Variants in SDC4 observed in about 807,000 individuals in gnomAD.
SDC4 encodes syndecan 4.
A neutral mutation model predicts 20.5 loss-of-function variants in SDC4; 17 were observed. That is an observed-to-expected ratio of 0.83 (90% confidence interval 0.57 to 1.25). The LOEUF (loss-of-function observed/expected upper bound fraction) is 1.25. SDC4 is among the 50% of genes most tolerant of loss of function. The pLI is 0.00. For synonymous variants in SDC4, 107 were observed against 105.3 expected, an observed-to-expected ratio of 1.02 and a Z score of -0.10; for missense variants, 241 against 252.3, an observed-to-expected ratio of 0.96 and a Z score of 0.30.
chr20:45,348,245 A>T, intron 1 of SDC4, 80 bp downstream of exon 1: 2 of 619,482 alleles, frequency 3.2e-6, no homozygotes, highest in Non-Finnish European at 5.1e-6. Context: ...GCCCCCCCCC[A>T]TCCCACGCTC....
rs188331002 is a variant in SDC4 at position 45,330,508 on chromosome 20, G to C, written c.303C>G (p.Thr101=). ...CATTCTCCTCTAGTTTCTTGGGTTC[G>C]GTGGGGACTTGGCTCCCAGACCCTG... ...ERAGSGSQVP[T]EPKKLEENEV... is the part of the protein sequence containing the mutation. Residue 101 remains threonine, a synonymous_variant, in exon 4 of 5, where the codon ACC becomes ACG. Transcript: ENST00000372733. 1.9e-5 allele frequency: 31 copies of C among 1,614,152 alleles called. No homozygotes were observed. In the African/African-American group the frequency reaches 3.9e-4, roughly 20 times the overall value.
At position 45,348,239 on chromosome 20, in the gene SDC4, C is replaced by A. The variant is rs2145720144; in HGVS notation, c.60+86G>T. ...GGGGTAGCGTACCCCCGATCTGCCC[C>A]CCCCCATCCCACGCTCCGACGAACA... On this transcript the variant is annotated intron_variant, in intron 1 of 4. Coordinates refer to ENST00000372733, the MANE Select transcript of SDC4 (RefSeq NM_002999.4). 7.7e-6 allele frequency: 9 copies of A among 1,167,470 alleles called. No homozygotes were observed. The South Asian group carries it at 9.2e-5, about 12-fold the overall frequency. 72.3% of individuals were successfully genotyped at this position (1,167,470 alleles called of 1,614,324 possible). A position where few individuals can be genotyped will look rare whatever the true frequency, so the allele number is the denominator to read the frequency against.
Position 45,330,427 on chromosome 20 carries a change from C to G in SDC4, c.384G>C (p.Lys128Asn), listed in dbSNP as rs747704309. ...CCTGCACAGTGCTGGACATTGACAC[C>G]TTGTTGGACACATCCTCACTCTCTT... is the stretch of plus-strand genomic sequence containing the variant. ...PVEESEDVSNKVSMSSTVQGS... is the reference protein window; with the variant it reads ...PVEESEDVSNNVSMSSTVQGS... The change falls in exon 4 of 5, where the codon AAG becomes AAC. Residue 128 changes from lysine (K) to asparagine (N), a missense_variant. Physicochemically the swap from Lys to Asn is moderately conservative, Grantham distance 94. Coordinates refer to ENST00000372733, the MANE Select transcript of SDC4 (RefSeq NM_002999.4). The G allele has an allele frequency of 8.7e-6, 14 of 1,614,208 alleles. No individual in the cohort carries two copies. Among genetic ancestry groups the G allele is most frequent in the Non-Finnish European group, 1.2e-5 (14 of 1,180,034 alleles).
intron 1 of SDC4, 66 bp downstream of exon 1, chr20:45,348,259 C>T: frequency 7.4e-7 from 1 of 1,342,496 alleles, no homozygotes; most frequent in Admixed American, 2.0e-5. Context: ...CACGCTCCGA[C>T]GAACAAAGGA....
At chr20:45,329,112 A>G (rs1489474513) in intron 4 of SDC4, among the ~76,000 whole-genome samples, 1 of 152,246 alleles carries the variant, frequency 6.6e-6, no homozygotes, top group African/African-American at 2.4e-5. Context: ...ATCATACAGC[A>G]TACAGCAAGC....
intron 1 of SDC4, chr20:45,345,894 A>C (rs1481183871): frequency 6.6e-6 from 1 of 152,234 alleles, no homozygotes; most frequent in African/African-American, 2.4e-5. Flanking sequence ...CCCTTCCAAA[A>C]TATGGGGGTG....
chr20:45,328,412 C>T (rs1445989344), intron 4 of SDC4, among the ~76,000 whole-genome samples: 2 of 152,206 alleles, frequency 1.3e-5, no homozygotes, highest in African/African-American at 4.8e-5. Flanking sequence ...ATGCCTAGTG[C>T]ATAGCATATT....
chr20:45,332,212 A>G (rs563862554), intron 3 of SDC4, among the ~76,000 whole-genome samples: 7 of 149,516 alleles, frequency 4.7e-5, no homozygotes, highest in African/African-American at 1.7e-4. Context: ...CTGGGGTGCA[A>G]TGGTGCAATC....
In SDC4 at chr20:45,327,102, C is replaced by T; in HGVS notation, c.*162G>A. ...AAAGCTCAAGAAGAACCTGGCAGAA[C>T]AGTAGAAGACAATGTCTCTTCTGAA... is the stretch of plus-strand genomic sequence containing the variant. On this transcript the variant is annotated 3_prime_UTR_variant, in exon 5 of 5. Coordinates refer to ENST00000372733, the MANE Select transcript of SDC4 (RefSeq NM_002999.4). The T allele has an allele frequency of 1.5e-6, 1 of 670,062 alleles. No individual in the cohort carries two copies. Among genetic ancestry groups the T allele is most frequent in the East Asian group, 2.8e-5 (1 of 35,394 alleles). The allele number at this position is 670,062 out of a possible 1,614,324, so 41.5% of individuals were successfully genotyped here.
intron 4 of SDC4, among the ~76,000 whole-genome samples, chr20:45,328,556 G>T (rs1164766929): frequency 1.3e-5 from 2 of 152,164 alleles, no homozygotes; most frequent in African/African-American, 4.8e-5. Flanking sequence ...CTAGTGTTGG[G>T]CAGAGATGGG....
chr20:45,348,252 G>A, intron 1 of SDC4, 73 bp downstream of exon 1: 2 of 978,242 alleles, frequency 2.0e-6, no homozygotes, highest in Non-Finnish European at 3.0e-6. Context: ...CCCATCCCAC[G>A]CTCCGACGAA....
chr20:45,331,527 G>A (rs181230878), intron 3 of SDC4, among the ~76,000 whole-genome samples: 108 of 152,202 alleles, frequency 7.1e-4, no homozygotes, highest in Non-Finnish European at 1.2e-3. Flanking sequence ...AGCATCCTAC[G>A]TAACAGAATG....
chr20:45,342,758 G>A (rs996368469), intron 1 of SDC4, among the ~76,000 whole-genome samples: 3 of 152,212 alleles, frequency 2.0e-5, no homozygotes, highest in African/African-American at 7.2e-5. Context: ...GCTGAGATCA[G>A]AGTGACCTTT....
At chr20:45,339,622 C>T (rs1326592753) in intron 1 of SDC4, among the ~76,000 whole-genome samples, 6 of 152,194 alleles carry the variant, frequency 3.9e-5, no homozygotes, top group African/African-American at 1.4e-4. Flanking sequence ...CGCCTGTGGT[C>T]CCAGCTACTC....
chr20:45,330,544 G>T lies in SDC4; in HGVS notation c.267C>A (p.Ile89=), dbSNP rs367657877. The T allele has an allele frequency of 5.0e-6, 8 of 1,613,982 alleles. No individual in the cohort carries two copies. Among genetic ancestry groups the T allele is most frequent in the Non-Finnish European group, 5.1e-6 (6 of 1,180,022 alleles). ...GGCTCCCAGACCCTGCCCTCTCAGG[G>T]ATATGGTTATCTAGAGGCACCTGGA... ...VHPLVPLDNH[I]PERAGSGSQV... Residue 89 remains isoleucine (I), a synonymous_variant, in exon 4 of 5, where the codon ATC becomes ATA. Transcript: ENST00000372733.
At chr20:45,339,205 C>T (rs1354561414) in intron 1 of SDC4, among the ~76,000 whole-genome samples, 2 of 152,200 alleles carry the variant, frequency 1.3e-5, no homozygotes, top group Non-Finnish European at 2.9e-5. Context: ...TCTCCTCCGC[C>T]CTCTTTTCAG....
At chr20:45,337,092 ACAGTACAT>A (rs1987882630) in intron 1 of SDC4, among the ~76,000 whole-genome samples, 2 of 152,156 alleles carry the variant, frequency 1.3e-5, no homozygotes, top group African/African-American at 4.8e-5. Flanking sequence ...GGGCAGCCCT[ACAGTACAT>A]CAGTTACCCT....
Position 45,327,846 on chromosome 20 carries a change from G to A in SDC4, c.446-431C>T, listed in dbSNP as rs931331178. Among the ~76,000 whole-genome samples, 126 of 152,346 alleles carry A rather than the reference G, an allele frequency of 8.3e-4. 1 individual carries two copies. The highest frequency in any genetic ancestry group is 2.8e-3 in the African/African-American group (117 of 41,572). ...TTTAGTAGAGATAGGGTTTCACTAT[G>A]TTGGCCAGGCTGGTCTTGAACTCCT... On this transcript the variant is annotated intron_variant, in intron 4 of 4. Transcript: ENST00000372733.
At chr20:45,338,368 G>A (rs1380808914) in intron 1 of SDC4, among the ~76,000 whole-genome samples, 3 of 147,608 alleles carry the variant, frequency 2.0e-5, no homozygotes, top group African/African-American at 5.4e-5. Flanking sequence ...GTTAAGTAGG[G>A]GGGTCAATCT....
Sources: allele counts gnomAD v4.1 joint callset (sites outside exome capture counted in the v4.1 genomes callset), GRCh38; gene constraint gnomAD v4.1.1; transcripts MANE v1.5; gene names NCBI Gene and HGNC (gene_info 2026-07-23, HGNC 2026-07-21).